Variants in APP observed in about 807,000 individuals in gnomAD.
APP encodes the protein amyloid-beta precursor protein.
Under a neutral mutation model 101.4 loss-of-function variants are expected in APP, and 31 were observed. The ratio of observed to expected loss-of-function variants is 0.31; its 90% CI spans 0.23 to 0.41. The LOEUF (loss-of-function observed/expected upper bound fraction) is 0.41. Ranked by LOEUF, APP falls within the 10% of genes least tolerant of loss-of-function variation. The probability of loss-of-function intolerance (pLI) is 1.00; values close to 1 mark genes in which losing one functional copy is unlikely to be tolerated. For missense variants in APP, 839 were observed against 1,003.7 expected (o/e 0.84, Z 2.22); for synonymous variants, 366 against 364.4 (o/e 1.00, Z -0.05).
rs565475810 is a variant in APP at position 26,034,798 on chromosome 21, A to T, written c.663-12756T>A. Reference sequence around the variant, plus strand: ...ACTCATCAAATGCTAGTGGCTGCTAAGTGTCTGGCATTCTGCTGGATCCGA... The same window carrying T: ...ACTCATCAAATGCTAGTGGCTGCTATGTGTCTGGCATTCTGCTGGATCCGA... On this transcript the variant is annotated intron_variant, in intron 5 of 17. Transcript: ENST00000346798. 4.5e-4 allele frequency among the ~76,000 whole-genome samples: 69 copies of T among 152,246 alleles called. 1 individual carries two copies. The South Asian group carries it at 0.014, about 31-fold the overall frequency.
rs35349551 is a variant in APP at position 26,040,605 on chromosome 21, TA to T, written c.662+10394del. The stretch of plus-strand genomic sequence containing the variant: ...CAACAGAGTGAGACTCCGTCTCCAT[TA>T]AAAAAAAAAAAAAAAAGCTGAGTGT... On this transcript the variant is annotated intron_variant, in intron 5 of 17. Transcript: ENST00000346798. 4.1e-3 allele frequency among the ~76,000 whole-genome samples: 517 copies of T among 125,272 alleles called. 1 individual carries two copies. Among genetic ancestry groups the T allele is most frequent in the Admixed American group, 6.0e-3 (74 of 12,258 alleles). The allele number at this position is 125,272 out of a possible 152,430, so 82.2% of individuals were successfully genotyped here.
At chr21:26,138,882 G>A (rs1234988263) in intron 1 of APP, among the ~76,000 whole-genome samples, 1 of 152,168 alleles carries the variant, frequency 6.6e-6, no homozygotes, top group African/African-American at 2.4e-5. Context: ...CTGCTCCCTT[G>A]TTGGTCAAAG....
chr21:25,975,351 T>A, intron 10 of APP, 123 bp from the exon 11 acceptor site: 1 of 1,267,296 alleles, frequency 7.9e-7, no homozygotes. Flanking sequence ...TCCTAAAGAC[T>A]GCATAGTCAT....
chr21:26,024,753 G>C (rs2830011), intron 5 of APP, among the ~76,000 whole-genome samples: 3,837 of 152,186 alleles, frequency 0.025, 179 homozygotes, highest in African/African-American at 0.087. Context: ...TAGGATACAA[G>C]AATAGTATAA....
At chr21:26,007,093 T>A (rs2043563138) in intron 6 of APP, among the ~76,000 whole-genome samples, 1 of 151,958 alleles carries the variant, frequency 6.6e-6, no homozygotes, top group Non-Finnish European at 1.5e-5. Context: ...TTTTATAGCA[T>A]TATTTTCTCC....
In APP at chr21:26,103,891, A is replaced by C. The variant is rs1239657365; in HGVS notation, c.225+8088T>G. Among the ~76,000 whole-genome samples, 5 of 152,364 alleles carry C rather than the reference A, an allele frequency of 3.3e-5. No homozygotes were observed. In the East Asian group the frequency reaches 9.6e-4, roughly 29 times the overall value. ...TTGGGTCTGTAGGGCTTTTGCCTAC[A>C]GAAGCCACAGTAGGTCTTTGTCTTA... On this transcript the variant is annotated intron_variant, in intron 2 of 17. Transcript: ENST00000346798.
At chr21:26,011,173 T>TC (rs1449253515) in intron 6 of APP, among the ~76,000 whole-genome samples, 1 of 152,050 alleles carries the variant, frequency 6.6e-6, no homozygotes, top group African/African-American at 2.4e-5. Context: ...CCTCCCAGGT[T>TC]CAAGTGATTT....
chr21:26,151,513 G>A (rs1385551605), intron 1 of APP, among the ~76,000 whole-genome samples: 5 of 151,762 alleles, frequency 3.3e-5, no homozygotes, highest in Admixed American at 6.6e-5. Context: ...ACCACCATGC[G>A]TAACACTACT....
At position 26,004,500 on chromosome 21, in the gene APP, G is replaced by C. The variant is rs374767519; in HGVS notation, c.866-4318C>G. ...GTAGACACGGGGTTTCTCTGTGTTAGCCAGGATGGTCTCGATCTCCTGACC... is the reference window on the plus strand; with the variant it reads ...GTAGACACGGGGTTTCTCTGTGTTACCCAGGATGGTCTCGATCTCCTGACC... On this transcript the variant is annotated intron_variant, in intron 6 of 17. Transcript: ENST00000346798. Among the ~76,000 whole-genome samples the C allele has an allele frequency of 5.3e-5, 8 of 151,954 alleles. No individual in the cohort carries two copies. The East Asian group carries it at 1.4e-3, about 26-fold the overall frequency.
intron 6 of APP, among the ~76,000 whole-genome samples, chr21:26,009,124 G>A (rs1215001616): frequency 1.3e-5 from 2 of 152,192 alleles, no homozygotes; most frequent in Non-Finnish European, 2.9e-5. Context: ...ATGTCAAAAC[G>A]TGAGACATAA....
intron 11 of APP, among the ~76,000 whole-genome samples, chr21:25,961,715 C>A (rs1007771886): frequency 6.6e-6 from 1 of 152,122 alleles, no homozygotes; most frequent in African/African-American, 2.4e-5. Flanking sequence ...ATTAAAAACA[C>A]AGAAACCTTC....
intron 3 of APP, among the ~76,000 whole-genome samples, chr21:26,061,534 G>A (rs913776978): frequency 1.3e-5 from 2 of 152,168 alleles, no homozygotes; most frequent in East Asian, 1.9e-4. Flanking sequence ...GAGACGGGAC[G>A]ATTACTTCAC....
intron 1 of APP, among the ~76,000 whole-genome samples, chr21:26,119,685 A>AACACAC (rs5843212): frequency 6.0e-5 from 9 of 150,324 alleles, no homozygotes; most frequent in South Asian, 2.1e-4. Flanking sequence ...TGCTAGAATG[A>AACACAC]ACACACACAC....
chr21:26,118,681 T>G, intron 1 of APP, among the ~76,000 whole-genome samples: 1 of 152,128 alleles, frequency 6.6e-6, no homozygotes, highest in East Asian at 1.9e-4. Context: ...ACCTCCTGAG[T>G]AGCTGGGACT....
At chr21:25,965,364 T>C (rs1273030096) in intron 11 of APP, among the ~76,000 whole-genome samples, 2 of 152,238 alleles carry the variant, frequency 1.3e-5, no homozygotes, top group Admixed American at 6.5e-5. Context: ...TTAAGAGAGA[T>C]TTACAGCAAT....
intron 6 of APP, 134 bp downstream of exon 6, chr21:26,021,706 A>G (rs915619152): frequency 8.4e-6 from 11 of 1,309,268 alleles, no homozygotes; most frequent in Non-Finnish European, 4.2e-6. Flanking sequence ...TTTCACAAGC[A>G]TAAGAAGCCT....
intron 6 of APP, among the ~76,000 whole-genome samples, chr21:26,018,587 G>A (rs1050637258): frequency 2.0e-5 from 3 of 152,068 alleles, no homozygotes; most frequent in African/African-American, 4.8e-5. Context: ...AAATTATCTC[G>A]CATGGGCACA....
chr21:25,968,038 T>C (rs371130088), intron 11 of APP, among the ~76,000 whole-genome samples: 36 of 152,200 alleles, frequency 2.4e-4, no homozygotes, highest in African/African-American at 6.8e-4. Flanking sequence ...TCACTAGCCT[T>C]CAACAGAGTA....
At chr21:26,120,649 C>T (rs2062544613) in intron 1 of APP, among the ~76,000 whole-genome samples, 1 of 152,106 alleles carries the variant, frequency 6.6e-6, no homozygotes, top group Non-Finnish European at 1.5e-5. Flanking sequence ...ATTTTGTGAG[C>T]TTCTTTTCTC....
Sources: gnomAD v4.1 joint callset for allele counts (sites outside exome capture counted in the v4.1 genomes callset) on GRCh38, gnomAD v4.1.1 for gene constraint, MANE v1.5 for transcripts, NCBI Gene and HGNC (gene_info 2026-07-23, HGNC 2026-07-21) for gene names.